The following WWP2 variants were observed in gnomAD, a reference collection of about 807,000 sequenced individuals.
The protein encoded by WWP2 is WW domain containing E3 ubiquitin protein ligase 2, also known as NEDD4-like E3 ubiquitin-protein ligase WWP2.
WWP2 carries 57 observed loss-of-function variants against 121.0 expected under a neutral mutation model. The observed-to-expected ratio is 0.47, with a 90% CI of 0.38 to 0.59. The LOEUF is 0.59. Among genes scored for constraint, WWP2 ranks in the 20% least tolerant of loss-of-function variants. The pLI, the probability that WWP2 is intolerant of heterozygous loss-of-function variation, is 0.00. For synonymous variants in WWP2, 449 were observed against 441.3 expected (o/e 1.02, Z -0.22); for missense variants, 962 against 1,158.9 (o/e 0.83, Z 2.47).
intron 6 of WWP2, among the ~76,000 whole-genome samples, chr16:69,852,973 G>A (rs200358512): frequency 9.2e-6 from 1 of 108,368 alleles, no homozygotes; most frequent in African/African-American, 3.9e-5. Flanking sequence ...GCCAGTCCCT[G>A]GCTGTAGGAG....
At chr16:69,878,991 CG>C (rs1185590231) in intron 7 of WWP2, among the ~76,000 whole-genome samples, 2 of 152,010 alleles carry the variant, frequency 1.3e-5, no homozygotes, top group Admixed American at 1.3e-4. Flanking sequence ...TTGTAAATAT[CG>C]GTTTATAATT....
intron 9 of WWP2, chr16:69,909,607 A>G (rs1283524591): frequency 1.0e-6 from 1 of 985,364 alleles, no homozygotes; most frequent in African/African-American, 1.7e-5. Context: ...CTCCTGGAGG[A>G]TGAAACTCAT....
intron 1 of WWP2, 94 bp downstream of exon 1, chr16:69,762,485 G>A (rs1394234691): frequency 6.8e-6 from 1 of 147,716 alleles, no homozygotes; most frequent in Non-Finnish European, 1.5e-5. Context: ...CGGGGGCGGC[G>A]CGGCCCGGGC....
At chr16:69,918,132 T>C (rs1391227625) in intron 10 of WWP2, among the ~76,000 whole-genome samples, 1 of 152,174 alleles carries the variant, frequency 6.6e-6, no homozygotes, top group Non-Finnish European at 1.5e-5. Flanking sequence ...TCCCCGTCTT[T>C]CTTCCGAGAT....
rs1422063592 is a variant in WWP2 at position 69,936,452 on chromosome 16, T to C, written c.2117T>C (p.Met706Thr). 1.9e-6 allele frequency: 3 copies of C among 1,613,710 alleles called. No individual in the cohort carries two copies. The highest frequency in any genetic ancestry group is 1.3e-5 in the African/African-American group (1 of 74,832). The change falls in exon 19 of 24, where the codon ATG (methionine) becomes ACG (threonine). Residue 706 changes from methionine to threonine, a missense_variant and splice_region_variant. This residue lies in a region of WWP2 where 606 missense variants were observed against 772.6 expected (regional missense o/e 0.78). Transcript: ENST00000359154. Reference protein sequence around the residue: ...VTEENKEEYIMLLTDWRFTRG... With the variant: ...VTEENKEEYITLLTDWRFTRG... ...GAGGAGAACAAGGAAGAGTACATCA[T>C]GTGAGTCTCAGGCGCCGGGGGCTCC...
intron 1 of WWP2, among the ~76,000 whole-genome samples, chr16:69,780,234 C>T (rs1421765719): frequency 6.7e-6 from 1 of 149,302 alleles, no homozygotes; most frequent in Non-Finnish European, 1.5e-5. Flanking sequence ...CCAAAGACAT[C>T]GTACTAAGGC....
At chr16:69,911,597 AG>A (rs1447124707) in intron 9 of WWP2, among the ~76,000 whole-genome samples, 3 of 152,196 alleles carry the variant, frequency 2.0e-5, no homozygotes, top group African/African-American at 7.2e-5. Context: ...AGAGGGTGGA[AG>A]GGCTGACTGG....
intron 1 of WWP2, among the ~76,000 whole-genome samples, chr16:69,779,441 T>A (rs937260068): frequency 6.6e-6 from 1 of 152,244 alleles, no homozygotes; most frequent in Non-Finnish European, 1.5e-5. Context: ...AAAGAAAACA[T>A]GGTGATGTTT....
chr16:69,872,093 TC>T (rs2057650891), intron 7 of WWP2, among the ~76,000 whole-genome samples, 162 bp downstream of exon 7: 1 of 152,232 alleles, frequency 6.6e-6, no homozygotes, highest in Non-Finnish European at 1.5e-5. Flanking sequence ...TACTGACCCA[TC>T]TTCTTCTCTC....
chr16:69,837,061 C>G (rs1285106304), intron 4 of WWP2, among the ~76,000 whole-genome samples: 1 of 152,152 alleles, frequency 6.6e-6, no homozygotes, highest in Non-Finnish European at 1.5e-5. Flanking sequence ...GTATCTGGGA[C>G]TACAGTTGCC....
chr16:69,905,563 A>G (rs994708909), intron 8 of WWP2, among the ~76,000 whole-genome samples: 2 of 152,236 alleles, frequency 1.3e-5, no homozygotes, highest in Non-Finnish European at 2.9e-5. Context: ...TTCAGCTGGT[A>G]TGTATTCTGC....
chr16:69,889,078 C>T (rs1302472660), intron 8 of WWP2, among the ~76,000 whole-genome samples: 3 of 152,108 alleles, frequency 2.0e-5, no homozygotes, highest in South Asian at 2.1e-4. Flanking sequence ...CTTTGGGAGG[C>T]TGGGGTGGGA....
chr16:69,823,657 G>A (rs2056632787), intron 4 of WWP2, among the ~76,000 whole-genome samples: 1 of 152,012 alleles, frequency 6.6e-6, no homozygotes, highest in Admixed American at 6.6e-5. Context: ...TAGTAGAAAA[G>A]GGGTTTTGCC....
At chr16:69,778,549 C>G (rs1262975648) in intron 1 of WWP2, among the ~76,000 whole-genome samples, 2 of 152,046 alleles carry the variant, frequency 1.3e-5, no homozygotes, top group East Asian at 3.9e-4. Context: ...GGGATTTGGA[C>G]CTAATACGCA....
At chr16:69,798,124 G>A (rs1357757414) in intron 2 of WWP2, among the ~76,000 whole-genome samples, 1 of 152,200 alleles carries the variant, frequency 6.6e-6, no homozygotes, top group Non-Finnish European at 1.5e-5. Flanking sequence ...ATATTCTCCT[G>A]TAGCACTGAT....
At chr16:69,818,959 C>G (rs1223814397) in intron 4 of WWP2, among the ~76,000 whole-genome samples, 2 of 152,216 alleles carry the variant, frequency 1.3e-5, no homozygotes, top group Non-Finnish European at 2.9e-5. Context: ...TTAACATCCT[C>G]AAGTGAACTG....
rs138252641 is a variant in WWP2, at chr16:69,784,260, C to A, written c.-15-2736C>A. 6.6e-3 allele frequency among the ~76,000 whole-genome samples: 1,005 copies of A among 151,852 alleles called. 12 individuals are homozygous for A. Among genetic ancestry groups the A allele is most frequent in the African/African-American group, 0.022 (931 of 41,416 alleles). On this transcript the variant is annotated intron_variant, in intron 1 of 23. Coordinates refer to ENST00000359154, the MANE Select transcript of WWP2 (RefSeq NM_001270454.2). Reference sequence around the variant, plus strand: ...GATTAGAGGCGCCCACCACCATGCCCGGTTAATTTTTGTATTTTTAGTAGA... The same window carrying A: ...GATTAGAGGCGCCCACCACCATGCCAGGTTAATTTTTGTATTTTTAGTAGA...
At chr16:69,852,749 G>A (rs1049748885) in intron 6 of WWP2, among the ~76,000 whole-genome samples, 1 of 152,044 alleles carries the variant, frequency 6.6e-6, no homozygotes, top group Admixed American at 6.5e-5. Flanking sequence ...TATATGTTTT[G>A]CCAATATTTT....
At chr16:69,915,367 C>T (rs945172314) in intron 9 of WWP2, among the ~76,000 whole-genome samples, 5 of 152,130 alleles carry the variant, frequency 3.3e-5, no homozygotes, top group Non-Finnish European at 5.9e-5. Flanking sequence ...TATCCTCATC[C>T]CTCATCTTTG....
Sources: gnomAD v4.1 joint callset for allele counts (sites outside exome capture counted in the v4.1 genomes callset) on GRCh38, gnomAD v4.1.1 for gene constraint, gnomAD v4.1.1 regional missense constraint, MANE v1.5 for transcripts, NCBI Gene and HGNC (gene_info 2026-07-23, HGNC 2026-07-21) for gene names.